The following MAD1L1 variants were observed in gnomAD, a reference collection of about 807,000 sequenced individuals.
The protein encoded by MAD1L1 is mitotic spindle assembly checkpoint protein MAD1.
In MAD1L1, 95 loss-of-function variants were observed where a neutral mutation model predicts 96.9. The ratio of observed to expected loss-of-function variants is 0.98; its 90% CI spans 0.83 to 1.16. The LOEUF is 1.16. Ranked by LOEUF, MAD1L1 falls within the 50% of genes most tolerant of loss-of-function variation. The probability of loss-of-function intolerance (pLI) is 0.00; values close to 1 mark genes in which losing one functional copy is unlikely to be tolerated. For missense variants in MAD1L1, 1,007 were observed against 954.4 expected, an observed-to-expected ratio of 1.06 and a Z score of -0.73; for synonymous variants, 473 against 396.6, an observed-to-expected ratio of 1.19 and a Z score of -2.29.
At chr7:2,143,292 C>G (rs1489122035) in intron 11 of MAD1L1, among the ~76,000 whole-genome samples, 1 of 150,894 alleles carries the variant, frequency 6.6e-6, no homozygotes, top group Non-Finnish European at 1.5e-5. Context: ...GGAGGCCCCT[C>G]AAGTGCAAGA....
chr7:2,133,487 T>G lies in MAD1L1; in HGVS notation c.1073+15665A>C, dbSNP rs527548961. On this transcript the variant is annotated intron_variant, in intron 11 of 18. Transcript: ENST00000265854. ...TCTTTTGCATGACGGTGAAAAATAT[T>G]TTCTCCATTTGGGGCTTCTCCTTTT... 9.2e-5 allele frequency among the ~76,000 whole-genome samples: 14 copies of G among 152,362 alleles called. No individual in the cohort carries two copies. In the South Asian group the frequency reaches 2.9e-3, roughly 32 times the overall value.
intron 16 of MAD1L1, among the ~76,000 whole-genome samples, chr7:1,953,219 G>A (rs1474430470): frequency 1.3e-5 from 2 of 152,198 alleles, no homozygotes; most frequent in African/African-American, 4.8e-5. Flanking sequence ...GACGGGAGCA[G>A]AACGGTCTCC....
At chr7:1,995,559 G>T (rs911880081) in intron 14 of MAD1L1, among the ~76,000 whole-genome samples, 1 of 152,136 alleles carries the variant, frequency 6.6e-6, no homozygotes, top group Admixed American at 6.5e-5. Context: ...CAGGCGGGGG[G>T]CCCAGGAGAG....
Position 2,103,946 on chromosome 7 carries a change from GAC to G in MAD1L1, c.1074-34610_1074-34609del, listed in dbSNP as rs1475914702. 2.6e-5 allele frequency among the ~76,000 whole-genome samples: 4 copies of G among 152,340 alleles called. No individual in the cohort carries two copies. The East Asian group carries it at 7.7e-4, about 29-fold the overall frequency. ...TGGACGTCGGAGAAAGAGGCCCCCA[GAC>G]ACATGGCAGAGAATCAAATATGCAG... is the stretch of plus-strand genomic sequence containing the variant. On this transcript the variant is annotated intron_variant, in intron 11 of 18. Coordinates refer to ENST00000265854, the MANE Select transcript of MAD1L1 (RefSeq NM_001013836.2). This position sits in a 1 kb window ranked among gnomAD's most constrained non-coding sequence, Gnocchi z 4.3.
At chr7:2,195,988 G>A (rs1371213005) in intron 10 of MAD1L1, among the ~76,000 whole-genome samples, 6 of 152,190 alleles carry the variant, frequency 3.9e-5, no homozygotes, top group Non-Finnish European at 5.9e-5. Context: ...TGCCAGCATC[G>A]GGCTGATCAG....
chr7:2,174,707 A>G lies in MAD1L1; in HGVS notation c.987-25469T>C, dbSNP rs375420625. 8.5e-5 allele frequency among the ~76,000 whole-genome samples: 13 copies of G among 152,224 alleles called. No homozygotes were observed. The East Asian group carries it at 1.9e-3, about 23-fold the overall frequency. ...TCCCAGAACTCTTCTTGTTCACTGA[A>G]TGTGCTTCTTCCAGAGGACATTTTT... On this transcript the variant is annotated intron_variant, in intron 10 of 18. Coordinates refer to ENST00000265854, the MANE Select transcript of MAD1L1 (RefSeq NM_001013836.2).
intron 12 of MAD1L1, among the ~76,000 whole-genome samples, chr7:2,039,878 T>A (rs976151799): frequency 2.6e-5 from 4 of 152,024 alleles, no homozygotes; most frequent in Middle Eastern, 3.2e-3. Context: ...GAGTCCAACT[T>A]CAGTTGACCC....
intron 18 of MAD1L1, among the ~76,000 whole-genome samples, chr7:1,876,091 G>A (rs1054398138): frequency 2.6e-5 from 4 of 152,212 alleles, no homozygotes; most frequent in South Asian, 2.1e-4. Flanking sequence ...GCTCTGTGAC[G>A]GCAACCCCAG....
In MAD1L1 at chr7:1,906,049, CA is replaced by C. The variant is rs10570929; in HGVS notation, c.1808-7660del. 4.6e-3 allele frequency among the ~76,000 whole-genome samples: 421 copies of C among 91,890 alleles called. 4 individuals carry two copies. Among genetic ancestry groups the C allele is most frequent in the African/African-American group, 0.012 (267 of 22,780 alleles). The allele number at this position is 91,890 out of a possible 152,430, so 60.3% of individuals were successfully genotyped here. A position where few individuals can be genotyped will look rare whatever the true frequency, so the allele number is the denominator to read the frequency against. ...TGGGTGACACAGTAAGACTCCATCT[CA>C]AAAAAAAAAAAAAAAAAAAAAAGAG... On this transcript the variant is annotated intron_variant, in intron 17 of 18. Coordinates refer to ENST00000265854, the MANE Select transcript of MAD1L1 (RefSeq NM_001013836.2).
intron 18 of MAD1L1, among the ~76,000 whole-genome samples, chr7:1,863,625 A>C (rs1316342338): frequency 6.6e-6 from 1 of 151,916 alleles, no homozygotes; most frequent in East Asian, 1.9e-4. Context: ...ACCTGCCCAC[A>C]CCCCACGCGC....
At chr7:1,999,599 A>G (rs2128491811) in intron 14 of MAD1L1, among the ~76,000 whole-genome samples, 1 of 152,264 alleles carries the variant, frequency 6.6e-6, no homozygotes, top group East Asian at 1.9e-4. Context: ...CTTCAGGAGG[A>G]GACAGGAAGC....
Position 1,892,236 on chromosome 7 carries a change from C to A in MAD1L1, c.1998+5964G>T, listed in dbSNP as rs10239823. Among the ~76,000 whole-genome samples, 551 of 152,316 alleles carry A rather than the reference C, an allele frequency of 3.6e-3. 3 individuals carry two copies. Among genetic ancestry groups the A allele is most frequent in the African/African-American group, 0.013 (526 of 41,572 alleles). ...CTTGGCAGCAGCCGGCTAAACCATG[C>A]GGCCCAAGGGTGCGGGAGGCTGCAC... On this transcript the variant is annotated intron_variant, in intron 18 of 18. Transcript: ENST00000265854.
intron 10 of MAD1L1, among the ~76,000 whole-genome samples, chr7:2,200,059 G>A (rs937184309): frequency 2.6e-5 from 4 of 152,236 alleles, no homozygotes; most frequent in African/African-American, 9.6e-5. Context: ...GGGTCTCAGA[G>A]CTCTTCCCAC....
At position 2,222,722 on chromosome 7, in the gene MAD1L1, C is replaced by A. The variant is rs368420889; in HGVS notation, c.324G>T (p.Thr108=). Residue 108 remains threonine (T), a synonymous_variant, in exon 5 of 19, where the codon ACG becomes ACT. Transcript: ENST00000265854. ...CCCGCTCCTGAAGCTGCCGGATGCG[C>A]GTCAGGAGCTCCTGGTTGCGGTCGA... ...REVDRNQELL[T]RIRQLQEREA... 3 of 1,607,762 alleles carry A rather than the reference C, an allele frequency of 1.9e-6. No homozygotes were observed. Among genetic ancestry groups the A allele is most frequent in the Admixed American group, 1.7e-5 (1 of 59,774 alleles).
chr7:1,929,772 G>GCCCCGTCCCCACTGCCACGTCCCCTCA, intron 17 of MAD1L1, among the ~76,000 whole-genome samples: 1 of 82,756 alleles, frequency 1.2e-5, no homozygotes, highest in African/African-American at 9.3e-5. Flanking sequence ...ACGTCCCCTC[G>GCCCCGTCCCCACTGCCACGTCCCCTCA]CCCCGTCCCC....
intron 15 of MAD1L1, among the ~76,000 whole-genome samples, chr7:1,958,989 C>T (rs186402883): frequency 1.6e-4 from 24 of 152,200 alleles, no homozygotes; most frequent in Admixed American, 1.3e-3. Flanking sequence ...CGGTGGCTCA[C>T]GCCTGTAATC....
At chr7:1,989,793 CG>C (rs1406117434) in intron 14 of MAD1L1, among the ~76,000 whole-genome samples, 1 of 152,210 alleles carries the variant, frequency 6.6e-6, no homozygotes, top group Non-Finnish European at 1.5e-5. Flanking sequence ...CAGTGTAGGC[CG>C]GCTGGCCCCA....
At chr7:2,040,975 A>T (rs970417157) in intron 12 of MAD1L1, among the ~76,000 whole-genome samples, 2 of 152,142 alleles carry the variant, frequency 1.3e-5, no homozygotes, top group African/African-American at 4.8e-5. Context: ...CTTCACAATC[A>T]CGTGTGTCTC....
At chr7:1,945,033 A>G (rs1192894399) in intron 16 of MAD1L1, among the ~76,000 whole-genome samples, 1 of 151,982 alleles carries the variant, frequency 6.6e-6, no homozygotes. Context: ...GCCGTCGGCC[A>G]CTGGGAGAGA....
Sources: gnomAD v4.1 joint callset for allele counts (sites outside exome capture counted in the v4.1 genomes callset) on GRCh38, gnomAD v4.1.1 for gene constraint, Gnocchi (gnomAD v3.1) non-coding constraint, MANE v1.5 for transcripts, NCBI Gene and HGNC (gene_info 2026-07-23, HGNC 2026-07-21) for gene names.